Variants in PTPRN observed in about 807,000 individuals in gnomAD.
PTPRN encodes the protein protein tyrosine phosphatase receptor type N, also known as receptor-type tyrosine-protein phosphatase-like N.
A neutral mutation model predicts 108.5 loss-of-function variants in PTPRN; 70 were observed. That is an observed-to-expected ratio of 0.65 (90% confidence interval 0.53 to 0.79). The LOEUF is 0.79. PTPRN is among the 30% of genes least tolerant of loss of function. The pLI is 0.00. For synonymous variants in PTPRN, 496 were observed against 524.6 expected (o/e 0.95, Z 0.75); for missense variants, 1,136 against 1,295.5 (o/e 0.88, Z 1.89).
Position 219,298,988 on chromosome 2 carries a change from C to G in PTPRN, c.1668+59G>C, listed in dbSNP as rs374125802. On this transcript the variant is annotated intron_variant, in intron 12 of 22. Transcript: ENST00000295718. The stretch of plus-strand genomic sequence containing the variant: ...GTTCTCCCCTCTGGTTTGCCTCCAG[C>G]TCTTGCGGACAACATCAGCCCTCTG... 15 of 1,599,184 alleles carry G rather than the reference C, an allele frequency of 9.4e-6. No homozygotes were observed. In the African/African-American group the frequency reaches 1.9e-4, roughly 20 times the overall value.
At chr2:219,294,335 G>A (rs1952122291) in intron 19 of PTPRN, 1 of 373,792 alleles carries the variant, frequency 2.7e-6, no homozygotes, top group Non-Finnish European at 5.5e-6. Context: ...AGAAAAACAG[G>A]GGAGAGGGCA....
Position 219,291,056 on chromosome 2 carries a change from C to T in PTPRN, c.2730-166G>A, listed in dbSNP as rs966968189. On this transcript the variant is annotated intron_variant, in intron 20 of 22. Coordinates refer to ENST00000295718, the MANE Select transcript of PTPRN (RefSeq NM_002846.4). ...GCCGAGGATGAAGGAAAGCTCATAGCACCTGCACGCTGGGACTTGGGCCTT... is the reference window on the plus strand; with the variant it reads ...GCCGAGGATGAAGGAAAGCTCATAGTACCTGCACGCTGGGACTTGGGCCTT... Among the ~76,000 whole-genome samples, 9 of 152,130 alleles carry T rather than the reference C, an allele frequency of 5.9e-5. 1 individual carries two copies. The highest frequency in any genetic ancestry group is 1.0e-4 in the Non-Finnish European group (7 of 68,038).
In PTPRN at chr2:219,297,822, C is replaced by T. The variant is rs1167860337; in HGVS notation, c.1887+63G>A. The stretch of plus-strand genomic sequence containing the variant: ...ATTCAGTTCCGACCCTTAGTCCACG[C>T]AAGACCCAGACTCCCAGGCCCCTTG... On this transcript the variant is annotated intron_variant, in intron 13 of 22. Coordinates refer to ENST00000295718, the MANE Select transcript of PTPRN (RefSeq NM_002846.4). This position sits in a 1 kb window ranked among gnomAD's most constrained non-coding sequence, Gnocchi z 6.0. 2.0e-6 allele frequency: 3 copies of T among 1,516,998 alleles called. No homozygotes were observed. Among genetic ancestry groups the T allele is most frequent in the African/African-American group, 1.4e-5 (1 of 72,698 alleles). 94.0% of individuals were successfully genotyped at this position (1,516,998 alleles called of 1,614,324 possible).
rs777275018 is a variant in PTPRN at position 219,297,897 on chromosome 2, G to A, written c.1875C>T (p.Thr625=). The change falls in exon 13 of 23, where the codon ACC becomes ACT. Residue 625 remains threonine (T), a synonymous_variant. Coordinates refer to ENST00000295718, the MANE Select transcript of PTPRN (RefSeq NM_002846.4). The surrounding 1 kb of genome is among the most constrained non-coding windows in gnomAD (Gnocchi z 6.0). Reference sequence around the variant, plus strand: ...TGGGGCTGCACACCTGGTACTCAAAGGTAGTGTCACCATGGGCCCCCTCAG... The same window carrying A: ...TGGGGCTGCACACCTGGTACTCAAAAGTAGTGTCACCATGGGCCCCCTCAG... ...LGPEGAHGDT[T]FEYQDLCRQH... The A allele has an allele frequency of 8.1e-6, 13 of 1,609,598 alleles. No homozygotes were observed. Among genetic ancestry groups the A allele is most frequent in the African/African-American group, 1.3e-5 (1 of 74,840 alleles).
At chr2:219,298,983 T>C (rs1952273162) in intron 12 of PTPRN, 64 bp downstream of exon 12, 1 of 1,593,556 alleles carries the variant, frequency 6.3e-7, no homozygotes, top group Non-Finnish European at 8.6e-7. Flanking sequence ...CTGGTTTGCC[T>C]CCAGCTCTTG....
At chr2:219,309,015 G>GC in intron 1 of PTPRN, 2 of 1,468,936 alleles carry the variant, frequency 1.4e-6, no homozygotes, top group Non-Finnish European at 1.8e-6. Context: ...CTTAGGTCCC[G>GC]CCCCCGTATT....
chr2:219,303,817 C>T lies in PTPRN; in HGVS notation c.295G>A (p.Asp99Asn), dbSNP rs775704818. 31 of 1,612,384 alleles carry T rather than the reference C, an allele frequency of 1.9e-5. No homozygotes were observed. The Middle Eastern group carries it at 4.9e-4, about 26-fold the overall frequency. Residue 99 changes from aspartate (D) to asparagine (N), a missense_variant, in exon 4 of 23, where the codon GAT becomes AAT. Coordinates refer to ENST00000295718, the MANE Select transcript of PTPRN (RefSeq NM_002846.4). ...QLMSQGLSWH[D>N]DLTQYVISQE... ...GAGATCACATACTGGGTGAGGTCAT[C>T]GTGCCAGGACAATCCTGTCAGGAAA...
intron 3 of PTPRN, among the ~76,000 whole-genome samples, chr2:219,306,757 T>C (rs1952494660): frequency 6.6e-6 from 1 of 152,194 alleles, no homozygotes. Flanking sequence ...CTGTTTGGTC[T>C]GCCTGAAATA....
At chr2:219,302,042 C>T in intron 6 of PTPRN, 95 bp downstream of exon 6, 1 of 1,168,604 alleles carries the variant, frequency 8.6e-7, no homozygotes, top group Non-Finnish European at 1.2e-6. Flanking sequence ...ACTTTAAGGA[C>T]AAGTTAACAA....
At position 219,297,562 on chromosome 2, in the gene PTPRN, G is replaced by T; in HGVS notation, c.1888-129C>A. On this transcript the variant is annotated intron_variant, in intron 13 of 22. Transcript: ENST00000295718. The surrounding 1 kb of genome is among the most constrained non-coding windows in gnomAD (Gnocchi z 6.0). ...GTGGAACTCAGCTCCTCTGGGGTAT[G>T]GTCTTCTGCCTGGCCCTGATCCTTT... 1 of 936,406 alleles carries T rather than the reference G, an allele frequency of 1.1e-6. No individual in the cohort carries two copies. The allele number at this position is 936,406 out of a possible 1,614,324, so 58.0% of individuals were successfully genotyped here. A position where few individuals can be genotyped will look rare whatever the true frequency, so the allele number is the denominator to read the frequency against.
chr2:219,309,273 G>T lies in PTPRN; in HGVS notation c.60C>A (p.Leu20=), dbSNP rs770547718. The T allele has an allele frequency of 6.5e-7, 1 of 1,533,864 alleles. No individual in the cohort carries two copies. The highest frequency in any genetic ancestry group is 1.2e-5 in the South Asian group (1 of 83,786). The change falls in exon 1 of 23, where the codon CTC becomes CTA. Residue 20 remains leucine (L), a synonymous_variant. Transcript: ENST00000295718. ...LGGSGGLRLL[L]CLLLLSSRPG... ...GGCGGCTGCTCAGCAGCAGGAGGCA[G>T]AGGAGCAGCCGGAGACCCCCGGATC... is the stretch of plus-strand genomic sequence containing the variant.
intron 3 of PTPRN, among the ~76,000 whole-genome samples, chr2:219,305,997 A>G (rs1209654385): frequency 6.6e-6 from 1 of 152,144 alleles, no homozygotes; most frequent in Non-Finnish European, 1.5e-5. Context: ...TAAAAATACA[A>G]AAATTAGCCA....
At chr2:219,308,776 C>G (rs1952549003) in intron 1 of PTPRN, 15 of 1,212,214 alleles carry the variant, frequency 1.2e-5, no homozygotes, top group Non-Finnish European at 1.6e-5. Flanking sequence ...TCTCTCTGCC[C>G]AGCTGGGACT....
intron 9 of PTPRN, 33 bp downstream of exon 9, chr2:219,299,952 A>C (rs760414982): frequency 1.9e-6 from 3 of 1,612,174 alleles, no homozygotes; most frequent in Non-Finnish European, 2.5e-6. Context: ...AAATCCTAGC[A>C]GACCAGAAAG....
chr2:219,307,388 C>T, intron 3 of PTPRN, 56 bp downstream of exon 3: 12 of 1,422,226 alleles, frequency 8.4e-6, no homozygotes, highest in Non-Finnish European at 1.1e-5. Context: ...AATCTTCTTC[C>T]CCACCCATAA....
chr2:219,298,230 G>A, intron 12 of PTPRN, 127 bp from the exon 13 acceptor site: 1 of 889,852 alleles, frequency 1.1e-6, no homozygotes, highest in Non-Finnish European at 1.7e-6. Context: ...GAGATTAGGG[G>A]TATGGTGGTA....
chr2:219,300,398 G>A, intron 8 of PTPRN, 139 bp from the exon 9 acceptor site: 1 of 832,610 alleles, frequency 1.2e-6, no homozygotes, highest in South Asian at 2.1e-5. Context: ...GCTGGGTACA[G>A]AGAGGACACC....
At position 219,298,004 on chromosome 2, in the gene PTPRN, G is replaced by A. The variant is rs1001405158; in HGVS notation, c.1768C>T (p.Leu590=). The change falls in exon 13 of 23, where the codon CTG becomes TTG. Residue 590 remains leucine, a synonymous_variant. Coordinates refer to ENST00000295718, the MANE Select transcript of PTPRN (RefSeq NM_002846.4). ...AGAGCCACAGCCAGAGCCACCAGCA[G>A]CCCAGCCACACCTGCCAGGGCCACC... ...TLVALAGVAG[L]LVALAVALCV... 1 of 1,613,722 alleles carries A rather than the reference G, an allele frequency of 6.2e-7. No individual in the cohort carries two copies. Among genetic ancestry groups the A allele is most frequent in the Non-Finnish European group, 8.5e-7 (1 of 1,179,950 alleles).
chr2:219,297,448 T>C lies in PTPRN; in HGVS notation c.1888-15A>G. 1.2e-6 allele frequency: 2 copies of C among 1,613,560 alleles called. No individual in the cohort carries two copies. Among genetic ancestry groups the C allele is most frequent in the Non-Finnish European group, 1.7e-6 (2 of 1,179,694 alleles). On this transcript the variant is annotated splice_polypyrimidine_tract_variant and intron_variant, in intron 13 of 22. Transcript: ENST00000295718. The surrounding 1 kb of genome is among the most constrained non-coding windows in gnomAD (Gnocchi z 6.0). ...CGGCACAGGTCCTGTGGAGGAAGAA[T>C]CAGGTGAGGTCCAAGAGTCCCCTGA...
Sources: allele counts gnomAD v4.1 joint callset (sites outside exome capture counted in the v4.1 genomes callset), GRCh38; gene constraint gnomAD v4.1.1; non-coding constraint Gnocchi (gnomAD v3.1); transcripts MANE v1.5; gene names NCBI Gene and HGNC (gene_info 2026-07-23, HGNC 2026-07-21).